SLC12A5: variants seen among roughly 807,000 people sequenced by gnomAD.
SLC12A5 encodes the protein K-Cl cotransporter 2.
A neutral mutation model predicts 124.0 loss-of-function variants in SLC12A5; 18 were observed. The observed-to-expected ratio is 0.15, with a 90% confidence interval of 0.10 to 0.22. The LOEUF (loss-of-function observed/expected upper bound fraction) is 0.22, where lower values mean the gene tolerates loss of function less well. SLC12A5 is among the 10% of genes least tolerant of loss of function. SLC12A5 has a pLI of 1.00. For synonymous variants in SLC12A5, 589 were observed against 568.0 expected, an observed-to-expected ratio of 1.04 and a Z score of -0.53; for missense variants, 867 against 1,478.7, an observed-to-expected ratio of 0.59 and a Z score of 6.78.
In SLC12A5 at chr20:46,056,998, G is replaced by T. The variant is rs373377182; in HGVS notation, c.3125+87G>T. ...ACTCTGTTGTGAACCCCTAATTGGT[G>T]CCACGACCTCTGGGATCTCTGAATA... On this transcript the variant is annotated intron_variant, in intron 24 of 25. Transcript: ENST00000243964. This position sits in a 1 kb window ranked among gnomAD's most constrained non-coding sequence, Gnocchi z 4.3. 5 of 1,600,850 alleles carry T rather than the reference G, an allele frequency of 3.1e-6. No individual in the cohort carries two copies. In the South Asian group the frequency reaches 4.4e-5, roughly 14 times the overall value.
chr20:46,037,484 C>A, intron 6 of SLC12A5, 99 bp downstream of exon 6: 2 of 1,348,206 alleles, frequency 1.5e-6, no homozygotes, highest in Non-Finnish European at 1.9e-6. Flanking sequence ...TCAGTGAGGC[C>A]AAAAATGTGG....
At chr20:46,021,795 G>A, upstream of SLC12A5, 1 of 1,531,906 alleles carries the variant, frequency 6.5e-7, no homozygotes, top group Non-Finnish European at 8.7e-7. Context: ...TCACCTCGCT[G>A]CCCCCCGCAG....
rs1331031085 is a variant in SLC12A5, at chr20:46,056,578, G to A, written c.3110+14G>A. The A allele has an allele frequency of 5.6e-6, 9 of 1,611,074 alleles. No individual in the cohort carries two copies. The highest frequency in any genetic ancestry group is 7.6e-6 in the Non-Finnish European group (9 of 1,178,326). On this transcript the variant is annotated intron_variant, in intron 23 of 25. Coordinates refer to ENST00000243964, the MANE Select transcript of SLC12A5 (RefSeq NM_020708.5). The surrounding 1 kb of genome is among the most constrained non-coding windows in gnomAD (Gnocchi z 4.3). ...CAGCATGAAGCCGTACGGGCCTGGG[G>A]GCTAAGGGCTGGGGGCTGGGGTGAG...
chr20:46,052,008 G>A, intron 18 of SLC12A5, 138 bp downstream of exon 18: 1 of 759,702 alleles, frequency 1.3e-6, no homozygotes, highest in Non-Finnish European at 2.0e-6. Flanking sequence ...ATATGCAGGT[G>A]ACAGCAGTCA....
Position 46,057,019 on chromosome 20 carries a change from G to T in SLC12A5, c.3125+108G>T. ...TGGTGCCACGACCTCTGGGATCTCT[G>T]AATAGCCTAGCCTGGAGATGTTTAG... On this transcript the variant is annotated intron_variant, in intron 24 of 25. Transcript: ENST00000243964. This position sits in a 1 kb window ranked among gnomAD's most constrained non-coding sequence, Gnocchi z 7.1. The T allele has an allele frequency of 6.3e-7, 1 of 1,591,876 alleles. No individual in the cohort carries two copies. Among genetic ancestry groups the T allele is most frequent in the Non-Finnish European group, 8.6e-7 (1 of 1,160,954 alleles).
At position 46,056,042 on chromosome 20, in the gene SLC12A5, A is replaced by G; in HGVS notation, c.2788-108A>G. ...ATAGCAATATTTTAACAACTGGTAC[A>G]GTTCCAGAAAGTGCATCCTGGCTGA... On this transcript the variant is annotated intron_variant, in intron 21 of 25. Coordinates refer to ENST00000243964, the MANE Select transcript of SLC12A5 (RefSeq NM_020708.5). This position sits in a 1 kb window ranked among gnomAD's most constrained non-coding sequence, Gnocchi z 4.3. 1 of 1,459,704 alleles carries G rather than the reference A, an allele frequency of 6.9e-7. No homozygotes were observed. The allele number at this position is 1,459,704 out of a possible 1,614,324, so 90.4% of individuals were successfully genotyped here.
At chr20:46,021,712 A>C (rs958087518), upstream of SLC12A5, 9 of 1,524,600 alleles carry the variant, frequency 5.9e-6, no homozygotes, top group African/African-American at 1.3e-4. Context: ...GCCTGGTTGC[A>C]GCCACTTGTG....
chr20:46,046,422 T>C lies in SLC12A5; in HGVS notation c.1773T>C (p.Phe591=), dbSNP rs567520830. The change falls in exon 14 of 26, where the codon TTT becomes TTC. Residue 591 remains phenylalanine, a synonymous_variant. Coordinates refer to ENST00000243964, the MANE Select transcript of SLC12A5 (RefSeq NM_020708.5). Reference sequence around the variant, plus strand: ...GGACACCCAACTGGAGGCCACGCTTTCGATATTACCACTGGTGGGTGCTCT... The same window carrying C: ...GGACACCCAACTGGAGGCCACGCTTCCGATATTACCACTGGTGGGTGCTCT... ...LLRTPNWRPR[F]RYYHWTLSFL... is the part of the protein sequence containing the mutation. 3.7e-6 allele frequency: 6 copies of C among 1,614,138 alleles called. No homozygotes were observed. In the African/African-American group the frequency reaches 8.0e-5, roughly 22 times the overall value.
intron 1 of SLC12A5, 116 bp from the exon 2 acceptor site, chr20:46,034,832 A>G: frequency 1.1e-6 from 1 of 906,330 alleles, no homozygotes; most frequent in South Asian, 1.4e-5. Context: ...TATTAGCCCC[A>G]TTTTCCCAAT....
upstream of SLC12A5, among the ~76,000 whole-genome samples, chr20:46,027,512 T>C (rs569919250): frequency 4.0e-4 from 61 of 152,294 alleles, no homozygotes; most frequent in Non-Finnish European, 7.5e-4. Context: ...TCTTTAGGAT[T>C]TTTGCAGGTT....
At chr20:46,038,717 A>T (rs969862985) in intron 6 of SLC12A5, among the ~76,000 whole-genome samples, 5 of 152,266 alleles carry the variant, frequency 3.3e-5, no homozygotes, top group Non-Finnish European at 7.3e-5. Flanking sequence ...TGTCACAAAC[A>T]GCATTGTAAC....
At chr20:46,042,311 A>G (rs538484492) in intron 8 of SLC12A5, among the ~76,000 whole-genome samples, 1 of 152,282 alleles carries the variant, frequency 6.6e-6, no homozygotes, top group East Asian at 1.9e-4. Context: ...TTGAAGGTTC[A>G]TTCTGGCTGC....
rs2084441749 is a variant in SLC12A5, at chr20:46,030,703, G to T, written c.52+1307G>T. Among the ~76,000 whole-genome samples the T allele has an allele frequency of 4.6e-5, 7 of 152,282 alleles. No individual in the cohort carries two copies. The South Asian group carries it at 1.4e-3, about 32-fold the overall frequency. ...AAAGAGCAGGGTCTTCTAGGGATTG[G>T]CAACCTTGACTCTGAGGTCCTCCGG... is the stretch of plus-strand genomic sequence containing the variant. On this transcript the variant is annotated intron_variant, in intron 1 of 25. Transcript: ENST00000243964.
chr20:46,041,728 C>T (rs116867699), intron 8 of SLC12A5, among the ~76,000 whole-genome samples, 188 bp downstream of exon 8: 172 of 152,268 alleles, frequency 1.1e-3, no homozygotes, highest in Non-Finnish European at 2.0e-3. Context: ...AGTATCTCAC[C>T]GCTAGTAGGA....
chr20:46,053,078 C>T lies in SLC12A5; in HGVS notation c.2499C>T (p.His833=), dbSNP rs371925559. ...EGSIDVWWIV[H]DGGMLMLLPF... ...GCATCGACGTTTGGTGGATTGTGCA[C>T]GATGGAGGCATGCTCATGCTGCTGC... Residue 833 remains histidine (H), a synonymous_variant, in exon 19 of 26, where the codon CAC becomes CAT. Transcript: ENST00000243964. This position sits in a 1 kb window ranked among gnomAD's most constrained non-coding sequence, Gnocchi z 4.7. 1.3e-4 allele frequency: 213 copies of T among 1,613,930 alleles called. No individual in the cohort carries two copies. Among genetic ancestry groups the T allele is most frequent in the Non-Finnish European group, 1.7e-4 (196 of 1,179,796 alleles).
chr20:46,057,287 C>A lies in SLC12A5; in HGVS notation c.3243C>A (p.Arg1081=), dbSNP rs1365301527. 1.2e-6 allele frequency: 2 copies of A among 1,614,144 alleles called. No homozygotes were observed. The highest frequency in any genetic ancestry group is 4.5e-5 in the East Asian group (2 of 44,872). ...LLNMPGPPRN[R]NGDENYMEFL... Reference sequence around the variant, plus strand: ...ACATGCCTGGGCCTCCCCGCAACCGCAATGGTGATGAAAACTGTATCCTGG... The same window carrying A: ...ACATGCCTGGGCCTCCCCGCAACCGAAATGGTGATGAAAACTGTATCCTGG... Residue 1081 remains arginine (R), a synonymous_variant, in exon 25 of 26, where the codon CGC becomes CGA. Coordinates refer to ENST00000243964, the MANE Select transcript of SLC12A5 (RefSeq NM_020708.5). The surrounding 1 kb of genome is among the most constrained non-coding windows in gnomAD (Gnocchi z 7.1).
chr20:46,049,663 A>C lies in SLC12A5; in HGVS notation c.2054A>C (p.Asn685Thr). The C allele has an allele frequency of 1.9e-6, 3 of 1,606,748 alleles. No individual in the cohort carries two copies. The highest frequency in any genetic ancestry group is 2.5e-6 in the Non-Finnish European group (3 of 1,176,902). The change falls in exon 17 of 26, where the codon AAT becomes ACT. Residue 685 changes from asparagine to threonine, a missense_variant. Around this residue, in one of 9 missense-constraint regions of SLC12A5, gnomAD observed 38 missense variants for 36.2 expected, o/e 1.05. Coordinates refer to ENST00000243964, the MANE Select transcript of SLC12A5 (RefSeq NM_020708.5). ...CTGGTGCGTGTGGACCAAGACCAGA[A>C]TGTGGTGCACCCCCAGCTGCTCTCA... The part of the protein sequence containing the change: ...LVLVRVDQDQ[N>T]VVHPQLLSLT...
chr20:46,049,946 C>A (rs993010540), intron 17 of SLC12A5, among the ~76,000 whole-genome samples, 156 bp downstream of exon 17: 6 of 152,244 alleles, frequency 3.9e-5, no homozygotes, highest in Non-Finnish European at 1.5e-5. Context: ...AGAGCCTAGA[C>A]AGTGAGTTCT....
exon 1 of SLC12A5, chr20:46,021,850 G>A: frequency 6.5e-7 from 1 of 1,532,042 alleles, no homozygotes; most frequent in East Asian, 2.5e-5. Flanking sequence ...GCATTCGGTC[G>A]CAGACCCCCG....
Sources: allele counts gnomAD v4.1 joint callset (sites outside exome capture counted in the v4.1 genomes callset), GRCh38; gene constraint gnomAD v4.1.1; regional missense constraint gnomAD v4.1.1; non-coding constraint Gnocchi (gnomAD v3.1); transcripts MANE v1.5; gene names NCBI Gene and HGNC (gene_info 2026-07-23, HGNC 2026-07-21).